ASTN1: variants seen among roughly 807,000 people sequenced by gnomAD.
ASTN1 encodes astrotactin 1.
A neutral mutation model predicts 140.7 loss-of-function variants in ASTN1; 41 were observed. The ratio of observed to expected loss-of-function variants is 0.29; its 90% CI spans 0.23 to 0.38. The LOEUF (loss-of-function observed/expected upper bound fraction) is 0.38, where lower values mean the gene tolerates loss of function less well. Among genes scored for constraint, ASTN1 ranks in the 10% least tolerant of loss-of-function variants. ASTN1 has a pLI of 1.00. For synonymous variants in ASTN1, 640 were observed against 652.2 expected (o/e 0.98, Z 0.29); for missense variants, 1,479 against 1,678.8 (o/e 0.88, Z 2.08).
intron 1 of ASTN1, among the ~76,000 whole-genome samples, chr1:177,079,366 G>T (rs1679070281): frequency 6.6e-6 from 1 of 152,132 alleles, no homozygotes; most frequent in Non-Finnish European, 1.5e-5. Flanking sequence ...GGACCAAGCG[G>T]GGTCTCTTTC....
intron 1 of ASTN1, among the ~76,000 whole-genome samples, chr1:177,080,576 T>C (rs1679132180): frequency 6.6e-6 from 1 of 152,206 alleles, no homozygotes; most frequent in Non-Finnish European, 1.5e-5. Flanking sequence ...TGAGGTTAAT[T>C]GACTTTCTCA....
intron 16 of ASTN1, among the ~76,000 whole-genome samples, chr1:176,928,975 T>C (rs1359625228): frequency 6.6e-6 from 1 of 152,132 alleles, no homozygotes; most frequent in Non-Finnish European, 1.5e-5. Flanking sequence ...GACAGAGTAG[T>C]GGTGGAGACT....
At chr1:177,085,823 G>T (rs1009678036) in intron 1 of ASTN1, among the ~76,000 whole-genome samples, 2 of 152,120 alleles carry the variant, frequency 1.3e-5, no homozygotes, top group East Asian at 3.9e-4. Flanking sequence ...CGCCAGGTTC[G>T]TACTTTCTTG....
At chr1:176,967,545 G>C (rs1034634169) in intron 8 of ASTN1, among the ~76,000 whole-genome samples, 6 of 152,106 alleles carry the variant, frequency 3.9e-5, no homozygotes, top group African/African-American at 1.4e-4. Context: ...GCCATTTCTA[G>C]CACTCAAAAC....
intron 8 of ASTN1, among the ~76,000 whole-genome samples, chr1:176,970,323 C>T (rs557057676): frequency 5.3e-5 from 8 of 152,274 alleles, no homozygotes; most frequent in African/African-American, 1.4e-4. Context: ...AAAGACCCTG[C>T]GTGACCAGCC....
At position 176,861,423 on chromosome 1, in the gene ASTN1, T is replaced by C. The variant is rs1165188026; in HGVS notation, c.*2861A>G. The C allele has an allele frequency of 2.6e-5, 26 of 985,722 alleles. No individual in the cohort carries two copies. Among genetic ancestry groups the C allele is most frequent in the Non-Finnish European group, 3.0e-5 (25 of 829,936 alleles). The allele number at this position is 985,722 out of a possible 1,614,324, so 61.1% of individuals were successfully genotyped here. On this transcript the variant is annotated 3_prime_UTR_variant, in exon 23 of 23. Transcript: ENST00000361833. ...TGTTGGTGGGATATAAGCACCTCCC[T>C]TAAGACCTGTTTGGCAGCTTGAAAA...
At chr1:176,918,458 C>T (rs1030064884) in intron 16 of ASTN1, among the ~76,000 whole-genome samples, 2 of 152,146 alleles carry the variant, frequency 1.3e-5, no homozygotes, top group African/African-American at 2.4e-5. Context: ...GCTCACCCCC[C>T]GGCAACATGT....
At chr1:176,987,153 T>C (rs1039480317) in intron 8 of ASTN1, among the ~76,000 whole-genome samples, 6 of 152,150 alleles carry the variant, frequency 3.9e-5, no homozygotes, top group Non-Finnish European at 5.9e-5. Flanking sequence ...CAAATGTCCA[T>C]AGTGCTGAGG....
chr1:177,008,479 G>GAC (rs142694415), intron 8 of ASTN1, among the ~76,000 whole-genome samples: 42 of 130,174 alleles, frequency 3.2e-4, no homozygotes, highest in African/African-American at 6.3e-4. Context: ...GAGAGAGGGA[G>GAC]AGGAAGAGAG....
chr1:177,091,767 G>A (rs1181403296), intron 1 of ASTN1, among the ~76,000 whole-genome samples: 2 of 152,030 alleles, frequency 1.3e-5, no homozygotes, highest in Admixed American at 6.6e-5. Context: ...TGCCTATTAT[G>A]ACATCTCTTA....
intron 20 of ASTN1, among the ~76,000 whole-genome samples, chr1:176,882,396 A>C: frequency 6.6e-6 from 1 of 151,864 alleles, no homozygotes; most frequent in African/African-American, 2.4e-5. Context: ...ACTACTTGCT[A>C]CTCACCTTCA....
chr1:177,132,896 G>A (rs1487780947), intron 1 of ASTN1, among the ~76,000 whole-genome samples: 1 of 152,186 alleles, frequency 6.6e-6, no homozygotes, highest in Admixed American at 6.5e-5. Context: ...CTCAGAGTGA[G>A]AAGGGGGTAA....
intron 7 of ASTN1, among the ~76,000 whole-genome samples, chr1:177,022,796 T>C (rs1675895437): frequency 6.6e-6 from 1 of 152,222 alleles, no homozygotes; most frequent in African/African-American, 2.4e-5. Flanking sequence ...AGCTATGATA[T>C]AGACATACAA....
At chr1:176,935,878 T>G (rs929299179) in intron 15 of ASTN1, among the ~76,000 whole-genome samples, 17 of 152,176 alleles carry the variant, frequency 1.1e-4, no homozygotes, top group Admixed American at 3.9e-4. Context: ...TCTTGCTCTC[T>G]TTTTTTAGTT....
At chr1:176,880,527 A>C (rs1668751499) in intron 20 of ASTN1, among the ~76,000 whole-genome samples, 1 of 152,238 alleles carries the variant, frequency 6.6e-6, no homozygotes. Context: ...TGTAAAATGA[A>C]GAATGCTGGA....
chr1:176,936,042 C>T (rs957809449), intron 15 of ASTN1: 5 of 610,398 alleles, frequency 8.2e-6, no homozygotes, highest in Non-Finnish European at 1.5e-5. Context: ...CTTTCCCTCT[C>T]TTCTGTAGTC....
At chr1:176,991,434 AC>A (rs1558014952) in intron 8 of ASTN1, among the ~76,000 whole-genome samples, 7 of 10,458 alleles carry the variant, frequency 6.7e-4, no homozygotes, top group Admixed American at 1.9e-3. Flanking sequence ...AAAAAAAAAA[AC>A]CAAAAAAAAA....
intron 8 of ASTN1, among the ~76,000 whole-genome samples, chr1:176,989,957 T>C (rs1674082644): frequency 6.6e-6 from 1 of 151,952 alleles, no homozygotes; most frequent in Non-Finnish European, 1.5e-5. Context: ...TCTTGAGCTC[T>C]TTCTGGCTCC....
chr1:177,087,879 G>T (rs1319322569), intron 1 of ASTN1, among the ~76,000 whole-genome samples: 1 of 152,132 alleles, frequency 6.6e-6, no homozygotes, highest in African/African-American at 2.4e-5. Flanking sequence ...AGTGAAGTTC[G>T]GAGTTAAGGT....
Sources: allele counts gnomAD v4.1 joint callset (sites outside exome capture counted in the v4.1 genomes callset), GRCh38; gene constraint gnomAD v4.1.1; transcripts MANE v1.5; gene names NCBI Gene and HGNC (gene_info 2026-07-23, HGNC 2026-07-21).